Variants in SLCO6A1 observed in about 807,000 individuals in gnomAD.
SLCO6A1 encodes the protein solute carrier organic anion transporter family member 6A1.
SLCO6A1 carries 65 observed loss-of-function variants against 72.7 expected under a neutral mutation model. The ratio of observed to expected loss-of-function variants is 0.89; its 90% CI spans 0.73 to 1.10. SLCO6A1 has a LOEUF of 1.10. SLCO6A1 is among the 50% of genes least tolerant of loss of function. The pLI, the probability that SLCO6A1 is intolerant of heterozygous loss-of-function variation, is 0.00. For missense variants in SLCO6A1, 874 were observed against 872.6 expected, an observed-to-expected ratio of 1.00 and a Z score of -0.02; for synonymous variants, 314 against 298.2, an observed-to-expected ratio of 1.05 and a Z score of -0.55.
chr5:102,410,959 G>A (rs1747943026), intron 9 of SLCO6A1, among the ~76,000 whole-genome samples: 1 of 152,168 alleles, frequency 6.6e-6, no homozygotes, highest in Non-Finnish European at 1.5e-5. Flanking sequence ...AAGGTAGAGA[G>A]TAAACACTTT....
intron 9 of SLCO6A1, among the ~76,000 whole-genome samples, chr5:102,405,681 A>C (rs1747630902): frequency 6.6e-6 from 1 of 152,094 alleles, no homozygotes; most frequent in Non-Finnish European, 1.5e-5. Context: ...TGCCAAAATA[A>C]GTTCTTCAAG....
At chr5:102,493,417 C>T (rs780405125) in intron 1 of SLCO6A1, among the ~76,000 whole-genome samples, 4 of 151,986 alleles carry the variant, frequency 2.6e-5, no homozygotes, top group Non-Finnish European at 5.9e-5. Context: ...TCAATAGAGG[C>T]AGGAAAAAGC....
intron 7 of SLCO6A1, among the ~76,000 whole-genome samples, chr5:102,438,244 GA>G (rs1478361502): frequency 6.6e-6 from 1 of 151,898 alleles, no homozygotes; most frequent in Non-Finnish European, 1.5e-5. Flanking sequence ...AATTTCTGAT[GA>G]AAAAATAAGC....
chr5:102,465,679 G>A lies in SLCO6A1; in HGVS notation c.900-5902C>T, dbSNP rs563315406. ...CTACTGTCCCTGCATCATTAGTAGT[G>A]ACAAGGTCTGAGTTTACCATCACAT... On this transcript the variant is annotated intron_variant, in intron 4 of 13. Transcript: ENST00000506729. Among the ~76,000 whole-genome samples, 9 of 152,158 alleles carry A rather than the reference G, an allele frequency of 5.9e-5. No individual in the cohort carries two copies. In the South Asian group the frequency reaches 6.2e-4, roughly 11 times the overall value.
At chr5:102,473,486 G>A (rs1168125179) in intron 4 of SLCO6A1, among the ~76,000 whole-genome samples, 1 of 151,882 alleles carries the variant, frequency 6.6e-6, no homozygotes, top group Non-Finnish European at 1.5e-5. Context: ...TATAGTAAAG[G>A]CCTTGTATTA....
At position 102,482,993 on chromosome 5, in the gene SLCO6A1, C is replaced by T. The variant is rs192910727; in HGVS notation, c.359-2559G>A. Among the ~76,000 whole-genome samples the T allele has an allele frequency of 2.8e-4, 43 of 152,278 alleles. No homozygotes were observed. The East Asian group carries it at 5.8e-3, about 20-fold the overall frequency. ...GGCATTCAGCAGTGCAACAACCAGA[C>T]GAGCTCTGGTGAAGTTAAGGCCATG... On this transcript the variant is annotated intron_variant, in intron 1 of 13. Transcript: ENST00000506729.
At chr5:102,482,514 C>A (rs1416483661) in intron 1 of SLCO6A1, among the ~76,000 whole-genome samples, 1 of 152,130 alleles carries the variant, frequency 6.6e-6, no homozygotes, top group Non-Finnish European at 1.5e-5. Flanking sequence ...TATAGGACAG[C>A]ACTACAAACT....
rs112051495 is a variant in SLCO6A1, at chr5:102,458,829, C to T, written c.1022-338G>A. ...TAAAATTTAGCCACACTTGATTTGC[C>T]CTAAAATATGAGGGAATAATCTTTG... On this transcript the variant is annotated intron_variant, in intron 5 of 13. Transcript: ENST00000506729. Among the ~76,000 whole-genome samples, 319 of 152,052 alleles carry T rather than the reference C, an allele frequency of 2.1e-3. 3 individuals are homozygous for T. The highest frequency in any genetic ancestry group is 7.3e-3 in the African/African-American group (302 of 41,470).
chr5:102,388,601 TA>T, intron 12 of SLCO6A1, 86 bp downstream of exon 12: 1 of 1,035,498 alleles, frequency 9.7e-7, no homozygotes. Context: ...ATTCATGGTT[TA>T]AAATTATAAT....
chr5:102,477,779 G>A lies in SLCO6A1; in HGVS notation c.699C>T (p.Ile233=), dbSNP rs1436875932. Residue 233 remains isoleucine (I), a synonymous_variant, in exon 3 of 14, where the codon ATC becomes ATT. Coordinates refer to ENST00000506729, the MANE Select transcript of SLCO6A1 (RefSeq NM_173488.5). ...SFQSKYLSFF[I]LGQTVQGIAG... is the part of the protein sequence containing the mutation. ...CTATTCCCTGCACAGTCTGCCCAAGGATGAAGAAAGACAGGTATTTTGATT... is the reference window on the plus strand; with the variant it reads ...CTATTCCCTGCACAGTCTGCCCAAGAATGAAGAAAGACAGGTATTTTGATT... 1.2e-6 allele frequency: 2 copies of A among 1,613,690 alleles called. No individual in the cohort carries two copies. The highest frequency in any genetic ancestry group is 8.5e-7 in the Non-Finnish European group (1 of 1,179,782).
At chr5:102,459,226 A>G (rs1447767613) in intron 5 of SLCO6A1, among the ~76,000 whole-genome samples, 1 of 152,154 alleles carries the variant, frequency 6.6e-6, no homozygotes, top group East Asian at 1.9e-4. Flanking sequence ...CCTGCACAAC[A>G]TAGCAAGACT....
chr5:102,451,411 TG>T (rs1169841563), intron 6 of SLCO6A1, among the ~76,000 whole-genome samples: 4 of 152,156 alleles, frequency 2.6e-5, no homozygotes. Context: ...GCCCCTATCC[TG>T]GGGGCATGTG....
chr5:102,409,938 G>A (rs1012628422), intron 9 of SLCO6A1, among the ~76,000 whole-genome samples: 2 of 152,150 alleles, frequency 1.3e-5, no homozygotes, highest in African/African-American at 4.8e-5. Flanking sequence ...ACTGTATACT[G>A]TGATGACATG....
intron 12 of SLCO6A1, among the ~76,000 whole-genome samples, chr5:102,374,739 T>C (rs1745686068): frequency 6.6e-6 from 1 of 152,268 alleles, no homozygotes; most frequent in Non-Finnish European, 1.5e-5. Context: ...AATTGTAACA[T>C]AGTAAATAAC....
intron 4 of SLCO6A1, among the ~76,000 whole-genome samples, chr5:102,468,118 A>G (rs115007699): frequency 1.9e-3 from 290 of 152,200 alleles, no homozygotes; most frequent in African/African-American, 6.6e-3. Flanking sequence ...CAGGTTGTTT[A>G]ATTTCCATGT....
chr5:102,412,468 A>C (rs1411208417), intron 9 of SLCO6A1, among the ~76,000 whole-genome samples: 1 of 152,024 alleles, frequency 6.6e-6, no homozygotes, highest in African/African-American at 2.4e-5. Context: ...ATATAAAACA[A>C]ATTTTTGCCA....
At chr5:102,471,866 G>A (rs1751645442) in intron 4 of SLCO6A1, among the ~76,000 whole-genome samples, 1 of 151,806 alleles carries the variant, frequency 6.6e-6, no homozygotes, top group Non-Finnish European at 1.5e-5. Flanking sequence ...TAACATTCTG[G>A]GGCTAGCTAT....
intron 6 of SLCO6A1, among the ~76,000 whole-genome samples, chr5:102,455,046 G>T (rs1462716034): frequency 1.6e-5 from 2 of 121,590 alleles, no homozygotes; most frequent in Non-Finnish European, 3.2e-5. Context: ...TTATAACAAA[G>T]ATCTATGAAA....
At chr5:102,418,970 A>T (rs534900801) in intron 8 of SLCO6A1, among the ~76,000 whole-genome samples, 8 of 152,018 alleles carry the variant, frequency 5.3e-5, no homozygotes, top group African/African-American at 1.9e-4. Flanking sequence ...CTATGTACTA[A>T]TTTTTTTCTC....
Sources: gnomAD v4.1 joint callset for allele counts (sites outside exome capture counted in the v4.1 genomes callset) on GRCh38, gnomAD v4.1.1 for gene constraint, MANE v1.5 for transcripts, NCBI Gene and HGNC (gene_info 2026-07-23, HGNC 2026-07-21) for gene names.